PRKN: variants seen among roughly 807,000 people sequenced by gnomAD.
The protein encoded by PRKN is parkin RBR E3 ubiquitin protein ligase.
PRKN carries 56 observed loss-of-function variants against 59.5 expected under a neutral mutation model. That is an observed-to-expected ratio of 0.94 (90% CI 0.76 to 1.18). PRKN has a LOEUF of 1.18. Among genes scored for constraint, PRKN ranks in the 50% most tolerant of loss-of-function variants. The pLI, the probability that PRKN is intolerant of heterozygous loss-of-function variation, is 0.00. For missense variants in PRKN, 657 were observed against 596.4 expected (o/e 1.10, Z -1.06); for synonymous variants, 250 against 222.1 (o/e 1.13, Z -1.12).
At position 161,561,621 on chromosome 6, in the gene PRKN, C is replaced by A. The variant is rs1780458032; in HGVS notation, c.933+7734G>T. 6.6e-6 allele frequency among the ~76,000 whole-genome samples: 1 copy of A among 152,180 alleles called. No homozygotes were observed. The highest frequency in any genetic ancestry group is 6.5e-5 in the Admixed American group (1 of 15,280). ...CTCTCACAACACAAAAAGTGGCCTT[C>A]CTCCTGTTAGGGGCCGATTCCTCCC... is the stretch of plus-strand genomic sequence containing the variant. On this transcript the variant is annotated intron_variant, in intron 8 of 11. Coordinates refer to ENST00000366898, the MANE Select transcript of PRKN (RefSeq NM_004562.3). The surrounding 1 kb of genome is among the most constrained non-coding windows in gnomAD (Gnocchi z 5.0).
intron 9 of PRKN, among the ~76,000 whole-genome samples, chr6:161,425,960 C>T (rs1215368298): frequency 6.6e-6 from 1 of 152,046 alleles, no homozygotes; most frequent in Non-Finnish European, 1.5e-5. Flanking sequence ...GACTAATACC[C>T]AGCCTCAGTT....
At chr6:161,884,308 T>C (rs1376252021) in intron 6 of PRKN, among the ~76,000 whole-genome samples, 1 of 152,216 alleles carries the variant, frequency 6.6e-6, no homozygotes, top group Non-Finnish European at 1.5e-5. Flanking sequence ...TTTAAGTAGG[T>C]CTATCAGTTT....
At chr6:162,104,329 T>G (rs1444268821) in intron 4 of PRKN, among the ~76,000 whole-genome samples, 1 of 152,180 alleles carries the variant, frequency 6.6e-6, no homozygotes, top group South Asian at 2.1e-4. Context: ...GATTCTGGTG[T>G]GCATATGCCT....
chr6:162,588,351 T>C (rs1413731951), intron 1 of PRKN, among the ~76,000 whole-genome samples: 1 of 148,150 alleles, frequency 6.7e-6, no homozygotes, highest in Non-Finnish European at 1.5e-5. Context: ...CAAATTTCAG[T>C]AAGAAATAGG....
At chr6:162,179,990 GTGTGTGTGTGTGTGTGTA>G (rs1302011884) in intron 4 of PRKN, among the ~76,000 whole-genome samples, 4 of 151,094 alleles carry the variant, frequency 2.6e-5, no homozygotes, top group East Asian at 1.9e-4. Context: ...GTGTGTGTGT[GTGTGTGTGTGTGTGTGTA>G]TGTGTGTAGC....
At chr6:161,494,787 A>G (rs548319268) in intron 9 of PRKN, among the ~76,000 whole-genome samples, 5 of 152,348 alleles carry the variant, frequency 3.3e-5, no homozygotes, top group Middle Eastern at 3.4e-3. Flanking sequence ...GCTGAGGTGC[A>G]TCTGATGAAC....
At chr6:161,585,844 G>A (rs2128139274) in intron 7 of PRKN, among the ~76,000 whole-genome samples, 1 of 152,258 alleles carries the variant, frequency 6.6e-6, no homozygotes, top group African/African-American at 2.4e-5. Context: ...CAGCCAGGCA[G>A]CAGGTTCAAT....
chr6:162,173,374 AGTTAGT>A (rs1377339326), intron 4 of PRKN, among the ~76,000 whole-genome samples: 1 of 152,134 alleles, frequency 6.6e-6, no homozygotes, highest in Non-Finnish European at 1.5e-5. Context: ...TTTCACCACC[AGTTAGT>A]GTTAGACAAT....
intron 8 of PRKN, among the ~76,000 whole-genome samples, chr6:161,563,104 A>T (rs1438119655): frequency 6.6e-6 from 1 of 151,718 alleles, no homozygotes; most frequent in Non-Finnish European, 1.5e-5. Flanking sequence ...TCTTCTGCCC[A>T]CTCCCATAAT....
At chr6:162,032,311 A>T (rs1212837441) in intron 5 of PRKN, among the ~76,000 whole-genome samples, 2 of 152,190 alleles carry the variant, frequency 1.3e-5, no homozygotes, top group Admixed American at 6.5e-5. Flanking sequence ...AGCAAAAACA[A>T]GGCAAATATG....
chr6:162,619,078 T>C (rs1022311458), intron 1 of PRKN, among the ~76,000 whole-genome samples: 1 of 152,152 alleles, frequency 6.6e-6, no homozygotes, highest in Admixed American at 6.6e-5. Flanking sequence ...GGTGAAACTC[T>C]TTTAGACTCT....
chr6:161,469,466 G>T lies in PRKN; in HGVS notation c.1083+79388C>A, dbSNP rs372485865. On this transcript the variant is annotated intron_variant, in intron 9 of 11. Coordinates refer to ENST00000366898, the MANE Select transcript of PRKN (RefSeq NM_004562.3). ...AACAGACTAATACATCGCAACGGGA[G>T]TTTGCAGAAATGAGTAGGTTAAGGG... Among the ~76,000 whole-genome samples the T allele has an allele frequency of 4.4e-4, 65 of 148,830 alleles. 1 individual carries two copies. The highest frequency in any genetic ancestry group is 1.3e-3 in the African/African-American group (54 of 40,372).
At position 161,409,188 on chromosome 6, in the gene PRKN, C is replaced by T. The variant is rs1003582196; in HGVS notation, c.1084-22311G>A. On this transcript the variant is annotated intron_variant, in intron 9 of 11. Coordinates refer to ENST00000366898, the MANE Select transcript of PRKN (RefSeq NM_004562.3). The surrounding 1 kb of genome is among the most constrained non-coding windows in gnomAD (Gnocchi z 4.6). ...CTCGAACTCCTGACCTTGTGATCCA[C>T]CCGCACTGGACTCCCAAACTGCTGG... Among the ~76,000 whole-genome samples the T allele has an allele frequency of 1.3e-5, 2 of 152,166 alleles. No individual in the cohort carries two copies. The highest frequency in any genetic ancestry group is 4.8e-5 in the African/African-American group (2 of 41,420).
chr6:161,449,177 T>A (rs1789618088), intron 9 of PRKN, among the ~76,000 whole-genome samples: 2 of 152,196 alleles, frequency 1.3e-5, no homozygotes, highest in African/African-American at 2.4e-5. Flanking sequence ...ATTTGTATGC[T>A]CAGTCAATTC....
chr6:162,313,780 C>T (rs563202288), intron 2 of PRKN, among the ~76,000 whole-genome samples: 29 of 152,238 alleles, frequency 1.9e-4, no homozygotes, highest in African/African-American at 6.3e-4. Flanking sequence ...AGCCACCATG[C>T]CCAGCCGCTG....
intron 4 of PRKN, among the ~76,000 whole-genome samples, chr6:162,138,670 G>A (rs1477287346): frequency 6.6e-6 from 1 of 152,078 alleles, no homozygotes; most frequent in Non-Finnish European, 1.5e-5. Context: ...GAGGGAAAGA[G>A]GATCATGATG....
intron 7 of PRKN, among the ~76,000 whole-genome samples, chr6:161,602,912 G>A (rs1481536143): frequency 6.6e-6 from 1 of 152,184 alleles, no homozygotes; most frequent in African/African-American, 2.4e-5. Flanking sequence ...AAATATTTAA[G>A]TACAGTAAGA....
rs371036526 is a variant in PRKN, at chr6:161,921,987, T to C, written c.734+51315A>G. Among the ~76,000 whole-genome samples the C allele has an allele frequency of 1.9e-3, 292 of 152,296 alleles. 2 individuals are homozygous for C. The highest frequency in any genetic ancestry group is 0.014 in the Middle Eastern group (4 of 294). On this transcript the variant is annotated intron_variant, in intron 6 of 11. Coordinates refer to ENST00000366898, the MANE Select transcript of PRKN (RefSeq NM_004562.3). ...GCTACAAGGCAGATGTCAGCCTCAA[T>C]TGGTTAAATCTGAGAAACATTGACT...
chr6:162,023,917 T>C (rs1164984040), intron 5 of PRKN, among the ~76,000 whole-genome samples: 1 of 152,204 alleles, frequency 6.6e-6, no homozygotes, highest in Non-Finnish European at 1.5e-5. Context: ...TAGTTTGAAA[T>C]CATGTAATGT....
Sources: gnomAD v4.1 joint callset for allele counts (sites outside exome capture counted in the v4.1 genomes callset) on GRCh38, gnomAD v4.1.1 for gene constraint, Gnocchi (gnomAD v3.1) non-coding constraint, MANE v1.5 for transcripts, NCBI Gene and HGNC (gene_info 2026-07-23, HGNC 2026-07-21) for gene names.